PCGF5: variants seen among roughly 807,000 people sequenced by gnomAD.
PCGF5 encodes the protein polycomb group ring finger 5, also known as polycomb group RING finger protein 5.
In PCGF5, 9 loss-of-function variants were observed where a neutral mutation model predicts 44.3. That is an observed-to-expected ratio of 0.20 (90% CI 0.12 to 0.35). PCGF5 has a LOEUF of 0.35. Ranked by LOEUF, PCGF5 falls within the 10% of genes least tolerant of loss-of-function variation. PCGF5 has a pLI of 1.00. For missense variants in PCGF5, 146 were observed against 305.3 expected (o/e 0.48, Z 3.89); for synonymous variants, 95 against 102.5 (o/e 0.93, Z 0.44).
At chr10:91,232,090 A>G (rs1037811571) in intron 2 of PCGF5, among the ~76,000 whole-genome samples, 1 of 152,208 alleles carries the variant, frequency 6.6e-6, no homozygotes, top group Non-Finnish European at 1.5e-5. Context: ...AATCAGTGAG[A>G]TAGGAGGACA....
In PCGF5 at chr10:91,283,391, T is replaced by G. The variant is rs1383494639; in HGVS notation, c.*5075T>G. 7 of 152,356 alleles carry G rather than the reference T, an allele frequency of 4.6e-5. No homozygotes were observed. The East Asian group carries it at 1.3e-3, about 29-fold the overall frequency. 9.4% of individuals were successfully genotyped at this position (152,356 alleles called of 1,614,324 possible). A position where few individuals can be genotyped will look rare whatever the true frequency, so the allele number is the denominator to read the frequency against. ...TCAGAGATTTTTAACTTTAATAATT[T>G]TAAATCTAGAATCAAGTGAAACAGA... On this transcript the variant is annotated 3_prime_UTR_variant, in exon 10 of 10. Transcript: ENST00000336126.
intron 2 of PCGF5, among the ~76,000 whole-genome samples, chr10:91,234,932 A>G (rs991241063): frequency 6.6e-6 from 1 of 152,186 alleles, no homozygotes; most frequent in Non-Finnish European, 1.5e-5. Flanking sequence ...TATCTGCATT[A>G]TAGGGAGAGT....
At chr10:91,190,432 A>C (rs1844010493) in intron 1 of PCGF5, among the ~76,000 whole-genome samples, 1 of 152,218 alleles carries the variant, frequency 6.6e-6, no homozygotes, top group Non-Finnish European at 1.5e-5. Context: ...CTGTGGTGTC[A>C]GATAATCTGC....
chr10:91,176,004 C>A (rs1186962724), intron 1 of PCGF5, among the ~76,000 whole-genome samples: 5 of 152,158 alleles, frequency 3.3e-5, no homozygotes, highest in Admixed American at 6.5e-5. Flanking sequence ...TCTTCCTAGC[C>A]TCCACGGTCT....
intron 1 of PCGF5, among the ~76,000 whole-genome samples, chr10:91,177,133 C>T (rs1279277780): frequency 1.3e-5 from 2 of 152,192 alleles, no homozygotes; most frequent in East Asian, 1.9e-4. Flanking sequence ...CAGTCAGGAC[C>T]CTCAGCTGCA....
At chr10:91,156,935 T>C in the PCGF5 span, among the ~76,000 whole-genome samples, 1 of 152,346 alleles carries the variant, frequency 6.6e-6, no homozygotes, top group African/African-American at 2.4e-5. Flanking sequence ...GTTATTTCCA[T>C]GTAACAGAAT....
chr10:91,193,268 T>C (rs1438889473), intron 1 of PCGF5, among the ~76,000 whole-genome samples: 1 of 152,118 alleles, frequency 6.6e-6, no homozygotes, highest in Non-Finnish European at 1.5e-5. Flanking sequence ...AAGGAATACA[T>C]CCCTGCTGTC....
chr10:91,193,543 G>A (rs1204018944), intron 1 of PCGF5, among the ~76,000 whole-genome samples: 1 of 151,938 alleles, frequency 6.6e-6, no homozygotes, highest in Non-Finnish European at 1.5e-5. Context: ...GTGTTTGAGG[G>A]GTGGCGAGGG....
At chr10:91,193,586 A>G (rs1323046372) in intron 1 of PCGF5, among the ~76,000 whole-genome samples, 2 of 151,962 alleles carry the variant, frequency 1.3e-5, no homozygotes, top group Non-Finnish European at 2.9e-5. Context: ...GGGGATGAGT[A>G]GGAGATAGGG....
At chr10:91,229,441 T>TA (rs879334069) in intron 2 of PCGF5, among the ~76,000 whole-genome samples, 2 of 152,014 alleles carry the variant, frequency 1.3e-5, no homozygotes, top group African/African-American at 2.4e-5. Flanking sequence ...AAGGGAAGAG[T>TA]ATTTCAGATT....
intron 9 of PCGF5, among the ~76,000 whole-genome samples, chr10:91,274,569 C>A (rs1846261103): frequency 6.6e-6 from 1 of 152,130 alleles, no homozygotes; most frequent in South Asian, 2.1e-4. Context: ...CAAATCTTTT[C>A]TTTCATGGAA....
upstream of PCGF5, among the ~76,000 whole-genome samples, chr10:91,159,517 G>A (rs961038365): frequency 6.6e-6 from 1 of 152,156 alleles, no homozygotes; most frequent in Non-Finnish European, 1.5e-5. Context: ...ACCATGAGAA[G>A]TCAGCACTCC....
intron 1 of PCGF5, among the ~76,000 whole-genome samples, chr10:91,208,381 A>G (rs1044771584): frequency 1.3e-5 from 2 of 152,118 alleles, no homozygotes; most frequent in African/African-American, 2.4e-5. Context: ...AGAAATACCT[A>G]ATCCGGGAGT....
chr10:91,204,889 ATGT>A (rs1844316373), intron 1 of PCGF5, among the ~76,000 whole-genome samples: 1 of 152,222 alleles, frequency 6.6e-6, no homozygotes, highest in Non-Finnish European at 1.5e-5. Flanking sequence ...GATTTCCTTG[ATGT>A]TCAAGTTTTA....
chr10:91,183,310 G>T (rs1287379362), intron 1 of PCGF5, among the ~76,000 whole-genome samples: 1 of 152,018 alleles, frequency 6.6e-6, no homozygotes, highest in Non-Finnish European at 1.5e-5. Context: ...AGAATAGTTA[G>T]ATCTTGTTGA....
chr10:91,277,068 C>T (rs980590485), intron 9 of PCGF5, among the ~76,000 whole-genome samples: 3 of 152,178 alleles, frequency 2.0e-5, no homozygotes, highest in Admixed American at 1.3e-4. Flanking sequence ...GAGACTTTTA[C>T]TCCAGCCCTT....
At chr10:91,181,217 G>A (rs547952010) in intron 1 of PCGF5, among the ~76,000 whole-genome samples, 1 of 152,114 alleles carries the variant, frequency 6.6e-6, no homozygotes, top group Non-Finnish European at 1.5e-5. Flanking sequence ...GTATTCTGAG[G>A]TTTGCTGAAG....
chr10:91,203,629 A>G lies in PCGF5; in HGVS notation c.-183-19060A>G, dbSNP rs554587239. Among the ~76,000 whole-genome samples, 5 of 152,328 alleles carry G rather than the reference A, an allele frequency of 3.3e-5. No individual in the cohort carries two copies. In the South Asian group the frequency reaches 6.2e-4, roughly 19 times the overall value. Reference sequence around the variant, plus strand: ...TAAATTTTTGACATATGCTTAATATATATTTGTACAAGACTCATGTTTTTA... The same window carrying G: ...TAAATTTTTGACATATGCTTAATATGTATTTGTACAAGACTCATGTTTTTA... On this transcript the variant is annotated intron_variant, in intron 1 of 9. Transcript: ENST00000614189.
chr10:91,211,688 G>A (rs758633001), intron 1 of PCGF5, among the ~76,000 whole-genome samples: 7 of 152,230 alleles, frequency 4.6e-5, no homozygotes, highest in Non-Finnish European at 1.0e-4. Flanking sequence ...GAATAGTGAA[G>A]AAGAGGAAGA....
Sources: gnomAD v4.1 joint callset for allele counts (sites outside exome capture counted in the v4.1 genomes callset) on GRCh38, gnomAD v4.1.1 for gene constraint, MANE v1.5 for transcripts, NCBI Gene and HGNC (gene_info 2026-07-23, HGNC 2026-07-21) for gene names.